CC2D2A: variants seen among roughly 807,000 people sequenced by gnomAD.
CC2D2A encodes the protein coiled-coil and C2 domain containing 2A.
In CC2D2A, 155 loss-of-function variants were observed where a neutral mutation model predicts 212.9. The observed-to-expected ratio is 0.73, with a 90% CI of 0.64 to 0.83. The LOEUF is 0.83. Among genes scored for constraint, CC2D2A ranks in the 40% least tolerant of loss-of-function variants. CC2D2A has a pLI of 0.00. For missense variants in CC2D2A, 1,856 were observed against 1,956.2 expected (o/e 0.95, Z 0.97); for synonymous variants, 667 against 686.5 (o/e 0.97, Z 0.44).
intron 19 of CC2D2A, among the ~76,000 whole-genome samples, chr4:15,554,095 C>A (rs1238441974): frequency 6.6e-6 from 1 of 152,166 alleles, no homozygotes; most frequent in Non-Finnish European, 1.5e-5. Context: ...TGATAAAAAC[C>A]ACAAGGAGAT....
rs1367877887 is a variant in CC2D2A at position 15,533,214 on chromosome 4, T to A, written c.1488T>A (p.Asp496Glu). 1 of 1,584,716 alleles carries A rather than the reference T, an allele frequency of 6.3e-7. No homozygotes were observed. Among genetic ancestry groups the A allele is most frequent in the Non-Finnish European group, 8.5e-7 (1 of 1,171,686 alleles). ...SEIRQTRKFR[D>E]AEQEKDRTLL... ...GCAGACAAACAAGAAAATTCCGTGA[T>A]GCTGAACAAGAAAAAGATAGAACAT... The change falls in exon 14 of 37, where the codon GAT (aspartate) becomes GAA (glutamate). Residue 496 changes from aspartate (D) to glutamate (E), a missense_variant. Physicochemically the swap from Asp to Glu is conservative, Grantham distance 45. Coordinates refer to ENST00000424120, the MANE Select transcript of CC2D2A (RefSeq NM_001378615.1).
At chr4:15,514,640 T>C in intron 8 of CC2D2A, 67 bp from the exon 9 acceptor site, 2 of 1,253,336 alleles carry the variant, frequency 1.6e-6, no homozygotes, top group Non-Finnish European at 1.1e-6. Context: ...AGTTTGGTAT[T>C]GTGAATTATT....
chr4:15,526,833 C>T (rs73237151), intron 11 of CC2D2A, among the ~76,000 whole-genome samples: 2 of 152,186 alleles, frequency 1.3e-5, no homozygotes, highest in Non-Finnish European at 2.9e-5. Flanking sequence ...ATATACCAAA[C>T]GATCCAAGAC....
intron 8 of CC2D2A, among the ~76,000 whole-genome samples, chr4:15,513,741 A>G (rs796713289): frequency 1.4e-4 from 22 of 152,362 alleles, no homozygotes; most frequent in African/African-American, 5.0e-4. Context: ...GGGCAGGAGA[A>G]GGAAGATTAC....
At chr4:15,478,060 C>T (rs1279128063) in intron 2 of CC2D2A, among the ~76,000 whole-genome samples, 1 of 152,166 alleles carries the variant, frequency 6.6e-6, no homozygotes, top group Non-Finnish European at 1.5e-5. Context: ...GTCTATAAAA[C>T]TCTAGGACTA....
intron 26 of CC2D2A, among the ~76,000 whole-genome samples, chr4:15,568,345 T>G (rs1719994299): frequency 6.6e-6 from 1 of 152,196 alleles, no homozygotes. Context: ...ACACAGTAAA[T>G]TAGAGACAGA....
chr4:15,544,239 C>T lies in CC2D2A; in HGVS notation c.2181+3225C>T, dbSNP rs369316581. 1.5e-3 allele frequency among the ~76,000 whole-genome samples: 236 copies of T among 152,278 alleles called. 2 individuals are homozygous for T. Among genetic ancestry groups the T allele is most frequent in the African/African-American group, 5.3e-3 (220 of 41,546 alleles). ...ACGCAAACTCCAGAAGCACACTTGC[C>T]GCTCCTCTGTCACCTGCCCTGAATA... is the stretch of plus-strand genomic sequence containing the variant. On this transcript the variant is annotated intron_variant, in intron 17 of 36. Transcript: ENST00000424120.
chr4:15,500,881 C>T lies in CC2D2A; in HGVS notation c.248-1548C>T, dbSNP rs908202194. ...CTCAGGAAACTCCTTAAGGCTTCAG[C>T]GCTCACCATGGTTGAAAGCCTTCCC... On this transcript the variant is annotated intron_variant, in intron 4 of 36. Transcript: ENST00000424120. Among the ~76,000 whole-genome samples, 3 of 152,230 alleles carry T rather than the reference C, an allele frequency of 2.0e-5. No individual in the cohort carries two copies. In the East Asian group the frequency reaches 5.8e-4, roughly 29 times the overall value.
chr4:15,584,512 A>G (rs546439616), intron 30 of CC2D2A, among the ~76,000 whole-genome samples: 2 of 152,232 alleles, frequency 1.3e-5, no homozygotes, highest in South Asian at 2.1e-4. Flanking sequence ...TGAAAGGATT[A>G]ATGAATTAAA....
chr4:15,553,244 A>G lies in CC2D2A; in HGVS notation c.2425A>G (p.Ile809Val), dbSNP rs1719097213. The G allele has an allele frequency of 6.2e-7, 1 of 1,613,490 alleles. No individual in the cohort carries two copies. Among genetic ancestry groups the G allele is most frequent in the Non-Finnish European group, 8.5e-7 (1 of 1,179,706 alleles). The part of the protein sequence containing the change: ...GKVSHSVAWA[I>V]GENGIPLIPP... ...AGTGTCTCATAGTGTGGCATGGGCC[A>G]TTGGAGAAAACGGGATACCTTTAAT... Residue 809 changes from isoleucine (I) to valine (V), a missense_variant, in exon 19 of 37, where the codon ATT becomes GTT. By Grantham distance (29) the Ile-to-Val change is conservative. Transcript: ENST00000424120.
intron 6 of CC2D2A, among the ~76,000 whole-genome samples, chr4:15,505,153 A>G (rs1168914150): frequency 6.6e-6 from 1 of 152,224 alleles, no homozygotes; most frequent in East Asian, 1.9e-4. Context: ...TGATTGTTAG[A>G]TGCTGTATAC....
At chr4:15,595,769 G>T (rs995887996) in intron 33 of CC2D2A, 6 of 173,224 alleles carry the variant, frequency 3.5e-5, no homozygotes, top group Non-Finnish European at 7.3e-5. Context: ...GGTCAGGAAA[G>T]ACTAGCCTAA....
At chr4:15,541,193 C>T (rs113653776) in intron 17 of CC2D2A, among the ~76,000 whole-genome samples, 179 bp downstream of exon 17, 19 of 151,492 alleles carry the variant, frequency 1.3e-4, no homozygotes, top group African/African-American at 4.1e-4. Context: ...CTGGCGGGTG[C>T]CTGTAATCCC....
At chr4:15,498,656 T>A (rs529445677) in intron 4 of CC2D2A, among the ~76,000 whole-genome samples, 2 of 149,370 alleles carry the variant, frequency 1.3e-5, no homozygotes, top group South Asian at 4.2e-4. Flanking sequence ...AAAGAAACAC[T>A]GTTTGCCATA....
At chr4:15,511,159 T>C (rs1487277713) in intron 7 of CC2D2A, 88 bp from the exon 8 acceptor site, 7 of 1,397,352 alleles carry the variant, frequency 5.0e-6, no homozygotes, top group African/African-American at 1.5e-5. Context: ...CCTGATCTCA[T>C]TAGCATTAAG....
At chr4:15,580,266 T>G in intron 30 of CC2D2A, 95 bp downstream of exon 30, 1 of 865,202 alleles carries the variant, frequency 1.2e-6, no homozygotes, top group Non-Finnish European at 1.8e-6. Flanking sequence ...GTGCTTAAGA[T>G]GTTAACTATA....
At chr4:15,575,210 C>G (rs747083333) in intron 29 of CC2D2A, among the ~76,000 whole-genome samples, 3 of 152,228 alleles carry the variant, frequency 2.0e-5, no homozygotes, top group Admixed American at 6.5e-5. Context: ...GTCCTTAGCA[C>G]TATGTCAAAC....
chr4:15,546,118 A>C (rs1015336679), intron 17 of CC2D2A, among the ~76,000 whole-genome samples: 1 of 151,966 alleles, frequency 6.6e-6, no homozygotes, highest in African/African-American at 2.4e-5. Context: ...TCAAAAAAAA[A>C]ATTGGCCCCA....
At position 15,537,003 on chromosome 4, in the gene CC2D2A, C is replaced by T. The variant is rs201954181; in HGVS notation, c.1691C>T (p.Thr564Met). The change falls in exon 15 of 37, where the codon ACG (threonine) becomes ATG (methionine). Residue 564 changes from threonine (T) to methionine (M), a missense_variant. Physicochemically the swap from Thr to Met is moderately conservative, Grantham distance 81 (BLOSUM62 -1). This residue lies in a region of CC2D2A where 1,512 missense variants were observed against 1,579.3 expected (regional missense o/e 0.96). Coordinates refer to ENST00000424120, the MANE Select transcript of CC2D2A (RefSeq NM_001378615.1). ...ATAAGTGAACTGTTAGAAGAGCACA[C>T]GGAGGAGTACGCACAGAAGATGGAA... ...AEISELLEEH[T>M]EEYAQKMEEY... 443 of 1,613,474 alleles carry T rather than the reference C, an allele frequency of 2.7e-4. 1 individual carries two copies. Among genetic ancestry groups the T allele is most frequent in the African/African-American group, 5.2e-4 (39 of 75,004 alleles).
Sources: allele counts gnomAD v4.1 joint callset (sites outside exome capture counted in the v4.1 genomes callset), GRCh38; gene constraint gnomAD v4.1.1; regional missense constraint gnomAD v4.1.1; transcripts MANE v1.5; gene names NCBI Gene and HGNC (gene_info 2026-07-23, HGNC 2026-07-21).